Variants in MMP26 observed in about 807,000 individuals in gnomAD.
MMP26 encodes the protein matrix metalloproteinase-26.
Under a neutral mutation model 31.0 loss-of-function variants are expected in MMP26, and 33 were observed. The ratio of observed to expected loss-of-function variants is 1.06; its 90% CI spans 0.81 to 1.42. The LOEUF is 1.42. Among genes scored for constraint, MMP26 ranks in the 40% most tolerant of loss-of-function variants. The pLI is 0.00. For synonymous variants in MMP26, 122 were observed against 114.9 expected, an observed-to-expected ratio of 1.06 and a Z score of -0.40; for missense variants, 347 against 316.1, an observed-to-expected ratio of 1.10 and a Z score of -0.74.
chr11:4,840,986 C>G (rs1849785665), intron 2 of MMP26, among the ~76,000 whole-genome samples: 1 of 151,998 alleles, frequency 6.6e-6, no homozygotes, highest in African/African-American at 2.4e-5. Flanking sequence ...AAGAATCAAG[C>G]AGAAATTCTG....
intron 1 of MMP26, among the ~76,000 whole-genome samples, chr11:4,727,256 C>G (rs1848113237): frequency 6.6e-6 from 1 of 152,164 alleles, no homozygotes. Flanking sequence ...TGTTCATCAA[C>G]TTTAGTTACG....
chr11:4,746,693 G>C (rs928520860), intron 1 of MMP26, among the ~76,000 whole-genome samples: 1 of 152,110 alleles, frequency 6.6e-6, no homozygotes, highest in African/African-American at 2.4e-5. Context: ...AATTAGCCGG[G>C]TTTGGTGGTG....
chr11:4,912,877 C>T (rs1037853825), intron 2 of MMP26: 7 of 151,958 alleles, frequency 4.6e-5, no homozygotes, highest in African/African-American at 1.7e-4. Context: ...TCTCACTTCT[C>T]TTACACAAAA....
chr11:4,760,707 G>C (rs953266800), intron 1 of MMP26, among the ~76,000 whole-genome samples: 3 of 152,150 alleles, frequency 2.0e-5, no homozygotes, highest in African/African-American at 7.2e-5. Flanking sequence ...ATCCAGGACT[G>C]TTTGACCCAA....
intron 5 of MMP26, 39 bp downstream of exon 5, chr11:4,990,785 C>T (rs1846987951): frequency 6.2e-7 from 1 of 1,605,878 alleles, no homozygotes; most frequent in Non-Finnish European, 8.5e-7. Context: ...TGTATATGCC[C>T]TGTGTAAAGG....
intron 1 of MMP26, chr11:4,711,884 T>A (rs540513284): frequency 1.3e-5 from 2 of 152,306 alleles, no homozygotes; most frequent in South Asian, 4.1e-4. Context: ...ATATATTGCC[T>A]CTAAGTCTGT....
chr11:4,967,171 A>G (rs1228732300), intron 2 of MMP26, among the ~76,000 whole-genome samples: 1 of 152,164 alleles, frequency 6.6e-6, no homozygotes, highest in Non-Finnish European at 1.5e-5. Flanking sequence ...GGAAATATTA[A>G]TTGGGAGAGT....
chr11:4,940,908 G>A (rs997225223), intron 2 of MMP26, among the ~76,000 whole-genome samples: 4 of 152,092 alleles, frequency 2.6e-5, no homozygotes, highest in African/African-American at 7.2e-5. Context: ...ATCATTAATA[G>A]TGCATACTAA....
At chr11:4,872,541 G>A (rs1385270442) in intron 2 of MMP26, among the ~76,000 whole-genome samples, 6 of 151,846 alleles carry the variant, frequency 4.0e-5, no homozygotes, top group African/African-American at 1.5e-4. Context: ...CCAGCTCAAG[G>A]TCAATAGCAG....
At chr11:4,896,865 G>A (rs1340662271) in intron 2 of MMP26, among the ~76,000 whole-genome samples, 1 of 151,916 alleles carries the variant, frequency 6.6e-6, no homozygotes, top group Admixed American at 6.6e-5. Context: ...TTGCTTTGTT[G>A]TGTCTTTTGA....
At chr11:4,912,466 T>C (rs1026022346) in intron 2 of MMP26, 1 of 152,138 alleles carries the variant, frequency 6.6e-6, no homozygotes, top group African/African-American at 2.4e-5. Context: ...TGCCTCAAAA[T>C]TTTCAGTGGT....
intron 2 of MMP26, among the ~76,000 whole-genome samples, chr11:4,858,895 C>T (rs1850099685): frequency 6.6e-6 from 1 of 152,130 alleles, no homozygotes; most frequent in African/African-American, 2.4e-5. Context: ...CGGAACAGAA[C>T]AGAGCCCTCA....
rs996074140 is a variant in MMP26 at position 4,779,826 on chromosome 11, G to C, written c.-145+12485G>C. The stretch of plus-strand genomic sequence containing the variant: ...TAACCATCACCAAGCTTAAGACACA[G>C]AGCATTACTGACATCTCTCCTTCAA... On this transcript the variant is annotated intron_variant, in intron 2 of 7. Coordinates refer to ENST00000380390, the MANE Select transcript of MMP26 (RefSeq NM_021801.5). 1.3e-5 allele frequency among the ~76,000 whole-genome samples: 2 copies of C among 152,018 alleles called. 1 individual carries two copies. The highest frequency in any genetic ancestry group is 1.3e-4 in the Admixed American group (2 of 15,254).
At chr11:4,753,254 T>C (rs981858420) in intron 1 of MMP26, among the ~76,000 whole-genome samples, 1 of 152,164 alleles carries the variant, frequency 6.6e-6, no homozygotes, top group Non-Finnish European at 1.5e-5. Flanking sequence ...ACCATAATTA[T>C]TTCTTCCTAT....
At chr11:4,778,506 A>G (rs192363442) in intron 2 of MMP26, among the ~76,000 whole-genome samples, 4 of 152,140 alleles carry the variant, frequency 2.6e-5, no homozygotes, top group African/African-American at 4.8e-5. Context: ...CTTTCCTTGC[A>G]CCAATACTGC....
rs551320933 is a variant in MMP26, at chr11:4,961,877, T to C, written c.-144-26191T>C. Among the ~76,000 whole-genome samples the C allele has an allele frequency of 8.5e-5, 13 of 152,278 alleles. No individual in the cohort carries two copies. In the South Asian group the frequency reaches 2.3e-3, roughly 27 times the overall value. ...CTGAAATGAAGTGTGCAGTAATCAA[T>C]GAAAAACAGTTTCAAGGATACCTGT... On this transcript the variant is annotated intron_variant, in intron 2 of 7. Coordinates refer to ENST00000380390, the MANE Select transcript of MMP26 (RefSeq NM_021801.5).
chr11:4,880,358 G>A (rs1850442319), intron 2 of MMP26, among the ~76,000 whole-genome samples: 1 of 151,684 alleles, frequency 6.6e-6, no homozygotes, highest in Non-Finnish European at 1.5e-5. Context: ...AATGAGGGAT[G>A]GTAAGATAAG....
chr11:4,907,336 C>T, intron 2 of MMP26: 1 of 1,420,872 alleles, frequency 7.0e-7, no homozygotes. Context: ...TATATGGTTT[C>T]AGATCCGGCT....
At chr11:4,916,378 C>T (rs559864245) in intron 2 of MMP26, among the ~76,000 whole-genome samples, 4 of 142,174 alleles carry the variant, frequency 2.8e-5, no homozygotes, top group Non-Finnish European at 4.6e-5. Flanking sequence ...CTTTGCCTGC[C>T]TCTTACAAAT....
Sources: gnomAD v4.1 joint callset for allele counts (sites outside exome capture counted in the v4.1 genomes callset) on GRCh38, gnomAD v4.1.1 for gene constraint, MANE v1.5 for transcripts, NCBI Gene and HGNC (gene_info 2026-07-23, HGNC 2026-07-21) for gene names.